The following PODNL1 variants were observed in gnomAD, a reference collection of about 807,000 sequenced individuals.
PODNL1 encodes the protein podocan-like protein 1.
A neutral mutation model predicts 45.1 loss-of-function variants in PODNL1; 50 were observed. The ratio of observed to expected loss-of-function variants is 1.11; its 90% CI spans 0.88 to 1.40. The LOEUF (loss-of-function observed/expected upper bound fraction) is 1.40. Ranked by LOEUF, PODNL1 falls within the 40% of genes most tolerant of loss-of-function variation. The probability of loss-of-function intolerance (pLI) is 0.00; values close to 1 mark genes in which losing one functional copy is unlikely to be tolerated. For synonymous variants in PODNL1, 406 were observed against 372.5 expected (o/e 1.09, Z -1.04); for missense variants, 788 against 793.3 (o/e 0.99, Z 0.08).
intron 2 of PODNL1, 81 bp from the exon 3 acceptor site, chr19:13,936,541 A>T (rs925256689): frequency 9.3e-7 from 1 of 1,070,244 alleles, no homozygotes; most frequent in African/African-American, 1.6e-5. Context: ...ACTTCCCATC[A>T]GCCCAAACCA....
At chr19:13,942,964 G>T (rs1438969025), upstream of PODNL1, among the ~76,000 whole-genome samples, 1 of 151,686 alleles carries the variant, frequency 6.6e-6, no homozygotes, top group African/African-American at 2.4e-5. Flanking sequence ...TCACACCACT[G>T]CACTCCAGCC....
chr19:13,936,576 A>T, intron 2 of PODNL1, 116 bp from the exon 3 acceptor site: 1 of 749,836 alleles, frequency 1.3e-6, no homozygotes, highest in Non-Finnish European at 2.3e-6. Context: ...TCACCCCCAC[A>T]GTTAATCCCA....
rs148723662 is a variant in PODNL1 at position 13,947,819 on chromosome 19, C to T, written c.18+5300G>A. On this transcript the variant is annotated intron_variant, in intron 1 of 7. Transcript: ENST00000538371. Reference sequence around the variant, plus strand: ...ATCTTGTCCTTGAAAATGACCCCATCGGCTCTGACTATGGCCACTTTTCTC... The same window carrying T: ...ATCTTGTCCTTGAAAATGACCCCATTGGCTCTGACTATGGCCACTTTTCTC... Among the ~76,000 whole-genome samples, 684 of 152,306 alleles carry T rather than the reference C, an allele frequency of 4.5e-3. 4 individuals are homozygous for T. The highest frequency in any genetic ancestry group is 0.014 in the Middle Eastern group (4 of 294).
upstream of PODNL1, among the ~76,000 whole-genome samples, chr19:13,941,083 C>T (rs1323729406): frequency 4.7e-5 from 7 of 150,496 alleles, no homozygotes; most frequent in South Asian, 2.1e-4. Flanking sequence ...AGTATAGTGT[C>T]GGCCAAGGAC....
chr19:13,938,851 G>C (rs943507651), upstream of PODNL1, among the ~76,000 whole-genome samples: 1 of 152,076 alleles, frequency 6.6e-6, no homozygotes. Context: ...GTGCCAGCCT[G>C]CCTGGGTTTG....
In PODNL1 at chr19:13,938,002, G is replaced by A. The variant is rs747926297; in HGVS notation, c.8C>T (p.Pro3Leu). ...CAACAGCAGGAGCAGCAGCAGGCTC[G>A]GCCACTGCGGGGGAGGGAGGGTCAG... The part of the protein sequence containing the change: MW[P>L]SLLLLLLLPG... The change falls in exon 2 of 10, where the codon CCG (proline) becomes CTG (leucine). Residue 3 changes from proline (P) to leucine (L), a missense_variant. Pro to Leu is a moderately conservative substitution (Grantham distance 98, BLOSUM62 -3). Around this residue, in one of 3 missense-constraint regions of PODNL1, gnomAD observed 762 missense variants for 750.9 expected, o/e 1.01. Transcript: ENST00000588872. The A allele has an allele frequency of 5.2e-6, 8 of 1,525,936 alleles. No homozygotes were observed. In the East Asian group the frequency reaches 7.4e-5, roughly 14 times the overall value. 94.5% of individuals were successfully genotyped at this position (1,525,936 alleles called of 1,614,324 possible). A position where few individuals can be genotyped will look rare whatever the true frequency, so the allele number is the denominator to read the frequency against.
intron 1 of PODNL1, among the ~76,000 whole-genome samples, chr19:13,950,770 C>T (rs1972977405): frequency 6.6e-6 from 1 of 152,086 alleles, no homozygotes; most frequent in African/African-American, 2.4e-5. Flanking sequence ...GATGGCCGGG[C>T]GCAGTGGCTC....
At chr19:13,947,235 C>T (rs1286361787) in intron 1 of PODNL1, among the ~76,000 whole-genome samples, 3 of 135,972 alleles carry the variant, frequency 2.2e-5, no homozygotes, top group African/African-American at 8.3e-5. Flanking sequence ...AATCCCAGCA[C>T]TTTAGGAGGC....
chr19:13,938,310 C>A lies in PODNL1; in HGVS notation c.-129G>T. ...CCCATCTCCAGACCCATGCCACCCC[C>A]CACAACAGCCTGTTCTCCCGGGGCT... On this transcript the variant is annotated 5_prime_UTR_variant, in exon 1 of 10. Coordinates refer to ENST00000588872, the MANE Select transcript of PODNL1 (RefSeq NM_001370095.3). 6.9e-7 allele frequency: 1 copy of A among 1,452,864 alleles called. No homozygotes were observed. Among genetic ancestry groups the A allele is most frequent in the South Asian group, 1.4e-5 (1 of 69,120 alleles). 90.0% of individuals were successfully genotyped at this position (1,452,864 alleles called of 1,614,324 possible). A position where few individuals can be genotyped will look rare whatever the true frequency, so the allele number is the denominator to read the frequency against.
chr19:13,951,049 C>CAAAA (rs59269074), intron 1 of PODNL1, among the ~76,000 whole-genome samples: 4 of 66,646 alleles, frequency 6.0e-5, no homozygotes, highest in African/African-American at 1.8e-4. Flanking sequence ...AACTCCATCT[C>CAAAA]AAAAAAAAAA....
intron 5 of PODNL1, among the ~76,000 whole-genome samples, chr19:13,934,624 AAT>A (rs1021374464): frequency 4.0e-5 from 6 of 151,308 alleles, no homozygotes; most frequent in Admixed American, 6.6e-5. Context: ...GTGTTGTATG[AAT>A]AGACGTGTGT....
rs749305820 is a variant in PODNL1 at position 13,933,106 on chromosome 19, C to T, written c.1117G>A (p.Ala373Thr). The T allele has an allele frequency of 1.5e-4, 233 of 1,528,794 alleles. No individual in the cohort carries two copies. The highest frequency in any genetic ancestry group is 2.0e-4 in the Non-Finnish European group (223 of 1,141,812). The allele number at this position is 1,528,794 out of a possible 1,614,324, so 94.7% of individuals were successfully genotyped here. Residue 373 changes from alanine to threonine, a missense_variant, in exon 8 of 10, where the codon GCC (alanine) becomes ACC (threonine). By Grantham distance (58) the Ala-to-Thr change is moderately conservative (BLOSUM62 0). Coordinates refer to ENST00000588872, the MANE Select transcript of PODNL1 (RefSeq NM_001370095.3). This position sits in a 1 kb window ranked among gnomAD's most constrained non-coding sequence, Gnocchi z 5.2. ...VAALGARDLVATPGLTELNLA... is the reference protein window; with the variant it reads ...VAALGARDLVTTPGLTELNLA... Reference sequence around the variant, plus strand: ...TTAAGCTCCGTCAGGCCCGGTGTGGCGACCAGGTCACGGGCACCCAGCGCG... The same window carrying T: ...TTAAGCTCCGTCAGGCCCGGTGTGGTGACCAGGTCACGGGCACCCAGCGCG...
chr19:13,950,145 G>A (rs1972950961), intron 1 of PODNL1, among the ~76,000 whole-genome samples: 1 of 151,662 alleles, frequency 6.6e-6, no homozygotes, highest in African/African-American at 2.4e-5. Context: ...TGGGATTACA[G>A]TCGTGATCCA....
Position 13,931,571 on chromosome 19 carries a change from T to G in PODNL1, c.*166A>C, listed in dbSNP as rs1971942238. The G allele has an allele frequency of 2.8e-6, 2 of 711,868 alleles. No homozygotes were observed. Among genetic ancestry groups the G allele is most frequent in the East Asian group, 6.8e-5 (2 of 29,354 alleles). 44.1% of individuals were successfully genotyped at this position (711,868 alleles called of 1,614,324 possible). A position where few individuals can be genotyped will look rare whatever the true frequency, so the allele number is the denominator to read the frequency against. On this transcript the variant is annotated 3_prime_UTR_variant, in exon 10 of 10. Transcript: ENST00000588872. ...GCCGGCGTGGTCTGTGAGCCTGGAGTATGCCAGCTGTGTGCCTCTGTGTCT... is the reference window on the plus strand; with the variant it reads ...GCCGGCGTGGTCTGTGAGCCTGGAGGATGCCAGCTGTGTGCCTCTGTGTCT...
Position 13,931,417 on chromosome 19 carries a change from T to C in PODNL1, c.*320A>G. The C allele has an allele frequency of 3.6e-6, 1 of 274,470 alleles. No homozygotes were observed. Among genetic ancestry groups the C allele is most frequent in the Non-Finnish European group, 6.8e-6 (1 of 147,084 alleles). 17.0% of individuals were successfully genotyped at this position (274,470 alleles called of 1,614,324 possible). ...GCCTCAGTTTCCCCAGCTGGACTGG[T>C]TGTGGGGAGGAGTCCGTGGACAGAG... is the stretch of plus-strand genomic sequence containing the variant. On this transcript the variant is annotated 3_prime_UTR_variant, in exon 10 of 10. Transcript: ENST00000588872.
Position 13,952,574 on chromosome 19 carries a change from G to C in PODNL1, c.18+545C>G, listed in dbSNP as rs1973101475. 9 of 1,265,918 alleles carry C rather than the reference G, an allele frequency of 7.1e-6. No individual in the cohort carries two copies. In the South Asian group the frequency reaches 3.0e-4, roughly 42 times the overall value. 78.4% of individuals were successfully genotyped at this position (1,265,918 alleles called of 1,614,324 possible). ...GCTGGGAGCGGCGGCGGCGGCCCCGGGGGAGCCGGAGGGAAGCGGGCAGCA... is the reference window on the plus strand; with the variant it reads ...GCTGGGAGCGGCGGCGGCGGCCCCGCGGGAGCCGGAGGGAAGCGGGCAGCA... On this transcript the variant is annotated intron_variant, in intron 1 of 7. Transcript: ENST00000538371.
chr19:13,944,648 G>A (rs897317997), intron 1 of PODNL1, among the ~76,000 whole-genome samples: 1 of 152,028 alleles, frequency 6.6e-6, no homozygotes, highest in Non-Finnish European at 1.5e-5. Flanking sequence ...AATAGAGACA[G>A]GTTTTGCCAA....
At position 13,935,990 on chromosome 19, in the gene PODNL1, G is replaced by T. The variant is rs1350312870; in HGVS notation, c.374C>A (p.Ala125Asp). ...SLTQLQHLCVAHNKLSVAPQF... is the reference protein window; with the variant it reads ...SLTQLQHLCVDHNKLSVAPQF... ...GGGCTGGGGGCTCACCTTGTTGTGA[G>T]CCACGCAGAGGTGCTGCAGCTGGGT... The change falls in exon 4 of 10, where the codon GCT (alanine) becomes GAT (aspartate). Residue 125 changes from alanine (A) to aspartate (D), a missense_variant. Ala to Asp is a moderately radical substitution (Grantham distance 126). This residue lies in a region of PODNL1 where 762 missense variants were observed against 750.9 expected (regional missense o/e 1.01). Transcript: ENST00000588872. The T allele has an allele frequency of 1.3e-6, 2 of 1,552,284 alleles. No individual in the cohort carries two copies. Among genetic ancestry groups the T allele is most frequent in the Non-Finnish European group, 1.7e-6 (2 of 1,148,646 alleles).
chr19:13,948,091 C>T (rs1333875544), intron 1 of PODNL1, among the ~76,000 whole-genome samples: 1 of 152,072 alleles, frequency 6.6e-6, no homozygotes, highest in Non-Finnish European at 1.5e-5. Flanking sequence ...TCAAGGGAGA[C>T]TTTAAGCAAT....
Sources: allele counts gnomAD v4.1 joint callset (sites outside exome capture counted in the v4.1 genomes callset), GRCh38; gene constraint gnomAD v4.1.1; regional missense constraint gnomAD v4.1.1; non-coding constraint Gnocchi (gnomAD v3.1); transcripts MANE v1.5; gene names NCBI Gene and HGNC (gene_info 2026-07-23, HGNC 2026-07-21).